Variants in STXBP5L observed in about 807,000 individuals in gnomAD.
STXBP5L encodes the protein syntaxin-binding protein 5-like.
STXBP5L carries 65 observed loss-of-function variants against 144.5 expected under a neutral mutation model. The ratio of observed to expected loss-of-function variants is 0.45; its 90% CI spans 0.37 to 0.55. The LOEUF (loss-of-function observed/expected upper bound fraction) is 0.55, where lower values mean the gene tolerates loss of function less well. Ranked by LOEUF, STXBP5L falls within the 20% of genes least tolerant of loss-of-function variation. The pLI is 0.00. For missense variants in STXBP5L, 1,298 were observed against 1,405.5 expected, an observed-to-expected ratio of 0.92 and a Z score of 1.22; for synonymous variants, 505 against 469.6, an observed-to-expected ratio of 1.08 and a Z score of -0.97.
intron 3 of STXBP5L, among the ~76,000 whole-genome samples, chr3:120,962,900 T>A (rs961794425): frequency 2.0e-5 from 3 of 152,150 alleles, no homozygotes; most frequent in Admixed American, 1.3e-4. Flanking sequence ...ATTCTTCCTA[T>A]CCATGAGCAT....
In STXBP5L at chr3:121,010,277, A is replaced by G. The variant is rs79357518; in HGVS notation, c.288-31423A>G. ...AGGAGTGAGGGAATCACTACTACAC[A>G]TAGTTGTTGTGGCACTGCAGCATCT... On this transcript the variant is annotated intron_variant, in intron 3 of 26. Transcript: ENST00000471454. Among the ~76,000 whole-genome samples the G allele has an allele frequency of 1.3e-3, 193 of 151,908 alleles. 1 individual carries two copies. Among genetic ancestry groups the G allele is most frequent in the African/African-American group, 4.3e-3 (180 of 41,462 alleles).
intron 3 of STXBP5L, among the ~76,000 whole-genome samples, chr3:121,036,290 G>C (rs1946747418): frequency 6.6e-6 from 1 of 152,048 alleles, no homozygotes; most frequent in African/African-American, 2.4e-5. Flanking sequence ...CTGATATTGA[G>C]CCACTGTACT....
chr3:121,412,285 T>G (rs1028160275), intron 23 of STXBP5L, among the ~76,000 whole-genome samples: 12 of 152,074 alleles, frequency 7.9e-5, no homozygotes, highest in Non-Finnish European at 1.3e-4. Flanking sequence ...CTTTCTGGGC[T>G]AACAAGGTCC....
intron 22 of STXBP5L, among the ~76,000 whole-genome samples, chr3:121,398,734 A>T (rs576142855): frequency 6.6e-6 from 1 of 152,224 alleles, no homozygotes; most frequent in Non-Finnish European, 1.5e-5. Context: ...AGCTTTATGC[A>T]GATTACCTCC....
chr3:121,404,464 T>A (rs1478226429), intron 22 of STXBP5L, among the ~76,000 whole-genome samples: 2 of 152,096 alleles, frequency 1.3e-5, no homozygotes, highest in African/African-American at 4.8e-5. Context: ...GGTGATTCTG[T>A]TACATGAAAG....
chr3:121,185,617 G>A (rs1481509388), intron 9 of STXBP5L, among the ~76,000 whole-genome samples: 1 of 152,116 alleles, frequency 6.6e-6, no homozygotes, highest in East Asian at 1.9e-4. Context: ...TAGATATGTG[G>A]TATTATTTCT....
At chr3:121,002,194 C>T (rs937165117) in intron 3 of STXBP5L, among the ~76,000 whole-genome samples, 1 of 151,862 alleles carries the variant, frequency 6.6e-6, no homozygotes, top group Non-Finnish European at 1.5e-5. Flanking sequence ...GTTTCTTTTT[C>T]TTCACATTCT....
chr3:121,138,319 A>C (rs901562588), intron 7 of STXBP5L, among the ~76,000 whole-genome samples: 1 of 152,090 alleles, frequency 6.6e-6, no homozygotes, highest in East Asian at 1.9e-4. Context: ...ATATAGTTAA[A>C]ATATTTTTAC....
At chr3:120,981,742 CTT>C (rs1312719660) in intron 3 of STXBP5L, among the ~76,000 whole-genome samples, 1 of 152,132 alleles carries the variant, frequency 6.6e-6, no homozygotes, top group Admixed American at 6.5e-5. Context: ...TGGTACAACA[CTT>C]TGTTTTTTCA....
intron 5 of STXBP5L, among the ~76,000 whole-genome samples, chr3:121,093,781 T>G (rs1019857997): frequency 5.9e-5 from 9 of 152,140 alleles, no homozygotes; most frequent in African/African-American, 1.9e-4. Context: ...TTAAGTTCTG[T>G]TCTGATTTTA....
At chr3:121,330,740 G>A (rs2044296701) in intron 20 of STXBP5L, among the ~76,000 whole-genome samples, 1 of 152,124 alleles carries the variant, frequency 6.6e-6, no homozygotes, top group Non-Finnish European at 1.5e-5. Flanking sequence ...ACCCAAGAAG[G>A]AGAAAACTTG....
chr3:121,334,532 C>CA (rs1191325046), intron 20 of STXBP5L, among the ~76,000 whole-genome samples: 20 of 141,502 alleles, frequency 1.4e-4, no homozygotes, highest in Admixed American at 9.8e-4. Context: ...AGCAACACAA[C>CA]AAAAAAAAAA....
intron 20 of STXBP5L, among the ~76,000 whole-genome samples, chr3:121,318,891 G>A (rs1328446371): frequency 6.6e-6 from 1 of 152,082 alleles, no homozygotes. Context: ...GAATTAGTGG[G>A]AAATATACAG....
At chr3:121,244,676 G>T (rs892129933) in intron 14 of STXBP5L, among the ~76,000 whole-genome samples, 1 of 151,988 alleles carries the variant, frequency 6.6e-6, no homozygotes, top group Non-Finnish European at 1.5e-5. Flanking sequence ...AATCTTGAAA[G>T]CATCAAGAAG....
Position 120,978,696 on chromosome 3 carries a change from A to G in STXBP5L, c.287+23659A>G, listed in dbSNP as rs142534779. The stretch of plus-strand genomic sequence containing the variant: ...TGGTTTTATCTACTTTTGGTCTTTG[A>G]TGATGGTGATGTACAGATGGGTTTT... On this transcript the variant is annotated intron_variant, in intron 3 of 26. Transcript: ENST00000471454. 7.9e-3 allele frequency among the ~76,000 whole-genome samples: 1,195 copies of G among 152,054 alleles called. 12 individuals carry two copies. The highest frequency in any genetic ancestry group is 0.028 in the African/African-American group (1,151 of 41,464).
chr3:121,227,106 T>C (rs2049145587), intron 11 of STXBP5L, among the ~76,000 whole-genome samples: 1 of 152,168 alleles, frequency 6.6e-6, no homozygotes, highest in Admixed American at 6.6e-5. Flanking sequence ...GCTTCTGAAT[T>C]TTAAGGAATC....
chr3:121,228,007 A>G (rs1559885598), intron 11 of STXBP5L, among the ~76,000 whole-genome samples: 1 of 152,178 alleles, frequency 6.6e-6, no homozygotes, highest in Non-Finnish European at 1.5e-5. Context: ...TTAGGCCAAA[A>G]GGCTTAACTT....
intron 3 of STXBP5L, among the ~76,000 whole-genome samples, chr3:121,027,874 T>G (rs1252561877): frequency 6.6e-6 from 1 of 152,146 alleles, no homozygotes; most frequent in African/African-American, 2.4e-5. Context: ...TCACCCTATA[T>G]TTTATTCTTC....
At chr3:121,055,305 C>T (rs114513762) in intron 5 of STXBP5L, among the ~76,000 whole-genome samples, 5,249 of 152,060 alleles carry the variant, frequency 0.035, 336 homozygotes, top group Admixed American at 0.17. Context: ...GGACATTCTC[C>T]AAAACATCTG....
Sources: allele counts gnomAD v4.1 joint callset (sites outside exome capture counted in the v4.1 genomes callset), GRCh38; gene constraint gnomAD v4.1.1; transcripts MANE v1.5; gene names NCBI Gene and HGNC (gene_info 2026-07-23, HGNC 2026-07-21).